The following CNNM4 variants were observed in gnomAD, a reference collection of about 807,000 sequenced individuals.
CNNM4 encodes cyclin and CBS domain divalent metal cation transport mediator 4.
In CNNM4, 32 loss-of-function variants were observed where a neutral mutation model predicts 53.7. That is an observed-to-expected ratio of 0.60 (90% confidence interval 0.45 to 0.80). The LOEUF (loss-of-function observed/expected upper bound fraction) is 0.80. Ranked by LOEUF, CNNM4 falls within the 30% of genes least tolerant of loss-of-function variation. CNNM4 has a pLI of 0.00. For synonymous variants in CNNM4, 410 were observed against 440.0 expected (o/e 0.93, Z 0.85); for missense variants, 784 against 1,022.0 (o/e 0.77, Z 3.17).
intron 1 of CNNM4, among the ~76,000 whole-genome samples, chr2:96,767,377 A>G (rs1011230464): frequency 6.6e-6 from 1 of 152,156 alleles, no homozygotes; most frequent in African/African-American, 2.4e-5. Flanking sequence ...AACTGTTTGC[A>G]GTACTGGGTG....
chr2:96,806,542 C>CGCGCGT (rs1558998052), intron 5 of CNNM4, among the ~76,000 whole-genome samples: 4 of 144,524 alleles, frequency 2.8e-5, no homozygotes, highest in African/African-American at 1.1e-4. Context: ...CACACGCGCG[C>CGCGCGT]GCGCGCGCGC....
chr2:96,773,539 A>G (rs2078897378), intron 1 of CNNM4, among the ~76,000 whole-genome samples: 1 of 152,100 alleles, frequency 6.6e-6, no homozygotes, highest in South Asian at 2.1e-4. Flanking sequence ...TGTACCCACA[A>G]AAATTTAAAA....
rs1431465628 is a variant in CNNM4 at position 96,782,393 on chromosome 2, CAG to C, written c.1403-14616_1403-14615del. 2.1e-5 allele frequency among the ~76,000 whole-genome samples: 3 copies of C among 143,146 alleles called. No homozygotes were observed. The Admixed American group carries it at 2.2e-4, about 10-fold the overall frequency. The allele number at this position is 143,146 out of a possible 152,430, so 93.9% of individuals were successfully genotyped here. A position where few individuals can be genotyped will look rare whatever the true frequency, so the allele number is the denominator to read the frequency against. ...CACCATTGCACTCTAGCCTGGGCGA[CAG>C]AGTGAGACATTGTCTCAAAAAAAAA... On this transcript the variant is annotated intron_variant, in intron 1 of 6. Transcript: ENST00000377075.
chr2:96,780,316 G>A (rs2078962808), intron 1 of CNNM4, among the ~76,000 whole-genome samples: 1 of 152,030 alleles, frequency 6.6e-6, no homozygotes, highest in Non-Finnish European at 1.5e-5. Flanking sequence ...CCCAGCTGGG[G>A]TGTACTGTAG....
chr2:96,762,146 T>G lies in CNNM4; in HGVS notation c.1147T>G (p.Cys383Gly). The G allele has an allele frequency of 6.2e-7, 1 of 1,614,160 alleles. No homozygotes were observed. The highest frequency in any genetic ancestry group is 8.5e-7 in the Non-Finnish European group (1 of 1,180,022). Reference protein sequence around the residue: ...VEDIMTQLQDCFMIRSDAILD... With the variant: ...VEDIMTQLQDGFMIRSDAILD... ...GGATATCATGACCCAGCTCCAGGACTGCTTCATGATCCGCAGCGATGCCAT... is the reference window on the plus strand; with the variant it reads ...GGATATCATGACCCAGCTCCAGGACGGCTTCATGATCCGCAGCGATGCCAT... The change falls in exon 1 of 7, where the codon TGC becomes GGC. Residue 383 changes from cysteine (C) to glycine (G), a missense_variant. By Grantham distance (159) the Cys-to-Gly change is radical. Around this residue, in one of 3 missense-constraint regions of CNNM4, gnomAD observed 473 missense variants for 624.6 expected, o/e 0.76. Coordinates refer to ENST00000377075, the MANE Select transcript of CNNM4 (RefSeq NM_020184.4).
At chr2:96,774,118 C>A (rs932352516) in intron 1 of CNNM4, among the ~76,000 whole-genome samples, 1 of 152,142 alleles carries the variant, frequency 6.6e-6, no homozygotes, top group Non-Finnish European at 1.5e-5. Flanking sequence ...ATCCATGTTC[C>A]GACTGCAGGA....
At chr2:96,777,898 G>A (rs1396056770) in intron 1 of CNNM4, among the ~76,000 whole-genome samples, 3 of 149,084 alleles carry the variant, frequency 2.0e-5, no homozygotes, top group Admixed American at 2.0e-4. Context: ...ACAGGATCTT[G>A]CTTTGTCACC....
intron 1 of CNNM4, among the ~76,000 whole-genome samples, chr2:96,770,263 A>G (rs949265591): frequency 2.6e-5 from 4 of 152,154 alleles, no homozygotes; most frequent in Non-Finnish European, 2.9e-5. Context: ...CGTATTTTTA[A>G]CTAGGAAATC....
At chr2:96,775,733 T>C (rs2078918410) in intron 1 of CNNM4, among the ~76,000 whole-genome samples, 1 of 151,982 alleles carries the variant, frequency 6.6e-6, no homozygotes. Flanking sequence ...TTTGTTTTTG[T>C]TTTGTTTTTG....
chr2:96,795,219 C>T (rs2079092339), intron 1 of CNNM4, among the ~76,000 whole-genome samples: 1 of 152,242 alleles, frequency 6.6e-6, no homozygotes, highest in Non-Finnish European at 1.5e-5. Flanking sequence ...TTCTGGAGGG[C>T]ACTCCTGTAT....
In CNNM4 at chr2:96,762,259, T is replaced by A. The variant is rs372360561; in HGVS notation, c.1260T>A (p.Asp420Glu). 4.3e-5 allele frequency: 69 copies of A among 1,614,056 alleles called. No individual in the cohort carries two copies. Among genetic ancestry groups the A allele is most frequent in the Non-Finnish European group, 5.5e-5 (65 of 1,180,034 alleles). Residue 420 changes from aspartate (D) to glutamate (E), a missense_variant, in exon 1 of 7, where the codon GAT (aspartate) becomes GAA (glutamate). Physicochemically the swap from Asp to Glu is conservative, Grantham distance 45. Coordinates refer to ENST00000377075, the MANE Select transcript of CNNM4 (RefSeq NM_020184.4). The part of the protein sequence containing the change: ...VFEDEQSNIV[D>E]ILYVKDLAFV... Reference sequence around the variant, plus strand: ...AAGACGAGCAGTCCAATATTGTAGATATTCTCTACGTCAAAGACTTGGCCT... The same window carrying A: ...AAGACGAGCAGTCCAATATTGTAGAAATTCTCTACGTCAAAGACTTGGCCT...
At chr2:96,786,623 C>CA in intron 1 of CNNM4, among the ~76,000 whole-genome samples, 1 of 151,362 alleles carries the variant, frequency 6.6e-6, no homozygotes, top group East Asian at 1.9e-4. Context: ...CTAAAAAATA[C>CA]AAAAAATTAG....
At position 96,809,642 on chromosome 2, in the gene CNNM4, G is replaced by A. The variant is rs1047538989; in HGVS notation, c.*125G>A. 20 of 858,976 alleles carry A rather than the reference G, an allele frequency of 2.3e-5. No homozygotes were observed. Among genetic ancestry groups the A allele is most frequent in the Non-Finnish European group, 2.6e-5 (14 of 542,658 alleles). The allele number at this position is 858,976 out of a possible 1,614,324, so 53.2% of individuals were successfully genotyped here. A position where few individuals can be genotyped will look rare whatever the true frequency, so the allele number is the denominator to read the frequency against. On this transcript the variant is annotated 3_prime_UTR_variant, in exon 7 of 7. Transcript: ENST00000377075. ...AGCCTGTCTGACTGAACAGCCAGATGGCCCCCAGCCTATGGGGGATCTGGC... is the reference window on the plus strand; with the variant it reads ...AGCCTGTCTGACTGAACAGCCAGATAGCCCCCAGCCTATGGGGGATCTGGC...
intron 1 of CNNM4, among the ~76,000 whole-genome samples, chr2:96,791,542 A>G (rs1245029544): frequency 6.6e-6 from 1 of 151,862 alleles, no homozygotes; most frequent in African/African-American, 2.4e-5. Context: ...CTGAGGCAGA[A>G]GAATCCACTG....
At chr2:96,776,332 T>C (rs1377255109) in intron 1 of CNNM4, among the ~76,000 whole-genome samples, 2 of 151,904 alleles carry the variant, frequency 1.3e-5, no homozygotes, top group African/African-American at 2.4e-5. Flanking sequence ...CCGGCCGCCA[T>C]TGTGTTTTTT....
At chr2:96,766,626 A>T (rs1413469934) in intron 1 of CNNM4, among the ~76,000 whole-genome samples, 2 of 152,128 alleles carry the variant, frequency 1.3e-5, no homozygotes, top group Non-Finnish European at 2.9e-5. Flanking sequence ...GCATCTATGT[A>T]ATTTGCTGAT....
chr2:96,767,914 A>T (rs1035852482), intron 1 of CNNM4, among the ~76,000 whole-genome samples: 4 of 152,204 alleles, frequency 2.6e-5, no homozygotes, highest in Non-Finnish European at 5.9e-5. Flanking sequence ...TACTAAAAAA[A>T]TGCAAAAATT....
At position 96,810,106 on chromosome 2, in the gene CNNM4, G is replaced by A. The variant is rs1353199805; in HGVS notation, c.*589G>A. 6.5e-6 allele frequency: 1 copy of A among 153,284 alleles called. No individual in the cohort carries two copies. The highest frequency in any genetic ancestry group is 1.5e-5 in the Non-Finnish European group (1 of 68,690). 9.5% of individuals were successfully genotyped at this position (153,284 alleles called of 1,614,324 possible). On this transcript the variant is annotated 3_prime_UTR_variant, in exon 7 of 7. Coordinates refer to ENST00000377075, the MANE Select transcript of CNNM4 (RefSeq NM_020184.4). The surrounding 1 kb of genome is among the most constrained non-coding windows in gnomAD (Gnocchi z 4.1). The stretch of plus-strand genomic sequence containing the variant: ...ATGGAGATCAGCTGCCTGAGCACCT[G>A]CGCTGTAGCTTATCTGACAACGCTG...
At chr2:96,773,937 A>G (rs1394542663) in intron 1 of CNNM4, among the ~76,000 whole-genome samples, 8 of 152,116 alleles carry the variant, frequency 5.3e-5, no homozygotes, top group Non-Finnish European at 1.0e-4. Flanking sequence ...ATATAATTAT[A>G]TGCTAATTCA....
Sources: gnomAD v4.1 joint callset for allele counts (sites outside exome capture counted in the v4.1 genomes callset) on GRCh38, gnomAD v4.1.1 for gene constraint, gnomAD v4.1.1 regional missense constraint, Gnocchi (gnomAD v3.1) non-coding constraint, MANE v1.5 for transcripts, NCBI Gene and HGNC (gene_info 2026-07-23, HGNC 2026-07-21) for gene names.